PRKRIP1: variants seen among roughly 807,000 people sequenced by gnomAD.
The protein encoded by PRKRIP1 is PRKR interacting protein 1.
In PRKRIP1, 29 loss-of-function variants were observed where a neutral mutation model predicts 29.3. The ratio of observed to expected loss-of-function variants is 0.99; its 90% CI spans 0.74 to 1.35. The LOEUF (loss-of-function observed/expected upper bound fraction) is 1.35, where lower values mean the gene tolerates loss of function less well. PRKRIP1 is among the 40% of genes most tolerant of loss of function. The pLI is 0.00. For missense variants in PRKRIP1, 247 were observed against 236.8 expected (o/e 1.04, Z -0.28); for synonymous variants, 90 against 85.1 (o/e 1.06, Z -0.32).
chr7:102,423,889 T>A (rs569357631), intron 5 of PRKRIP1, among the ~76,000 whole-genome samples: 1 of 152,290 alleles, frequency 6.6e-6, no homozygotes, highest in East Asian at 1.9e-4. Flanking sequence ...CTTGAACTCC[T>A]GGGCTCAAGT....
chr7:102,425,607 A>C lies in PRKRIP1; in HGVS notation c.*496A>C. 1 of 236,982 alleles carries C rather than the reference A, an allele frequency of 4.2e-6. No individual in the cohort carries two copies. Among genetic ancestry groups the C allele is most frequent in the Admixed American group, 5.8e-5 (1 of 17,290 alleles). 14.7% of individuals were successfully genotyped at this position (236,982 alleles called of 1,614,324 possible). On this transcript the variant is annotated 3_prime_UTR_variant, in exon 6 of 6. Coordinates refer to ENST00000397912, the MANE Select transcript of PRKRIP1 (RefSeq NM_024653.4). ...TGGGGCTGGTCCATGTTGCCCACTCACTCCAGTGGGAAGTGGGGACCACGC... is the reference window on the plus strand; with the variant it reads ...TGGGGCTGGTCCATGTTGCCCACTCCCTCCAGTGGGAAGTGGGGACCACGC...
At chr7:102,417,375 A>C (rs1276170238) in intron 5 of PRKRIP1, among the ~76,000 whole-genome samples, 1 of 152,104 alleles carries the variant, frequency 6.6e-6, no homozygotes, top group Non-Finnish European at 1.5e-5. Context: ...CCTCCCTGAC[A>C]GTGGAGAATC....
chr7:102,421,446 A>G (rs1264958187), intron 5 of PRKRIP1, among the ~76,000 whole-genome samples: 2 of 151,920 alleles, frequency 1.3e-5, no homozygotes, highest in Non-Finnish European at 2.9e-5. Flanking sequence ...TCAGGAGGCT[A>G]CGGTGAGCCG....
At chr7:102,419,867 G>A (rs1012939678) in intron 5 of PRKRIP1, among the ~76,000 whole-genome samples, 1 of 148,960 alleles carries the variant, frequency 6.7e-6, no homozygotes, top group African/African-American at 2.5e-5. Flanking sequence ...GTGTGTGTGT[G>A]TGTGTGTGTG....
rs1554570349 is a variant in PRKRIP1, at chr7:102,396,467, A to G, written c.56A>G (p.Gln19Arg). 1 of 1,609,256 alleles carries G rather than the reference A, an allele frequency of 6.2e-7. No individual in the cohort carries two copies. Among genetic ancestry groups the G allele is most frequent in the South Asian group, 1.1e-5 (1 of 90,928 alleles). Reference sequence around the variant, plus strand: ...CCACCGAGGCCCAAGAAAGAGCCGCAGACGCTCGTCATCCCCAAGAATGCG... The same window carrying G: ...CCACCGAGGCCCAAGAAAGAGCCGCGGACGCTCGTCATCCCCAAGAATGCG... ...VRPPRPKKEPQTLVIPKNAAE... is the reference protein window; with the variant it reads ...VRPPRPKKEPRTLVIPKNAAE... Residue 19 changes from glutamine (Q) to arginine (R), a missense_variant, in exon 1 of 6, where the codon CAG (glutamine) becomes CGG (arginine). By Grantham distance (43) the Gln-to-Arg change is conservative (BLOSUM62 1). Coordinates refer to ENST00000397912, the MANE Select transcript of PRKRIP1 (RefSeq NM_024653.4).
intron 5 of PRKRIP1, among the ~76,000 whole-genome samples, chr7:102,421,609 T>C (rs1554573758): frequency 6.6e-6 from 1 of 151,396 alleles, no homozygotes; most frequent in South Asian, 2.1e-4. Flanking sequence ...CCATCCTAGC[T>C]AACACGGTGA....
At chr7:102,418,568 A>C (rs1796612525) in intron 5 of PRKRIP1, among the ~76,000 whole-genome samples, 1 of 152,132 alleles carries the variant, frequency 6.6e-6, no homozygotes. Flanking sequence ...GTTCATACTG[A>C]TGTCTCCAAG....
intron 5 of PRKRIP1, among the ~76,000 whole-genome samples, chr7:102,420,484 T>C (rs1448816225): frequency 6.6e-6 from 1 of 152,238 alleles, no homozygotes; most frequent in Non-Finnish European, 1.5e-5. Flanking sequence ...ATCACCAACA[T>C]GAAGCATAGT....
intron 5 of PRKRIP1, among the ~76,000 whole-genome samples, chr7:102,410,968 C>G (rs1796365380): frequency 6.6e-6 from 1 of 152,178 alleles, no homozygotes; most frequent in Non-Finnish European, 1.5e-5. Context: ...CTTTGCCACC[C>G]AGGCTGGAGT....
At chr7:102,419,317 G>C (rs1554573482) in intron 5 of PRKRIP1, among the ~76,000 whole-genome samples, 1 of 152,028 alleles carries the variant, frequency 6.6e-6, no homozygotes, top group Admixed American at 6.6e-5. Flanking sequence ...AGGAGGCTGA[G>C]GCAGGAAAAT....
chr7:102,420,986 T>TC (rs1342792449), intron 5 of PRKRIP1, among the ~76,000 whole-genome samples: 1 of 152,052 alleles, frequency 6.6e-6, no homozygotes, highest in African/African-American at 2.4e-5. Flanking sequence ...AGCAGCAGGT[T>TC]CCCCACGATG....
chr7:102,397,443 G>A (rs1480814930), intron 1 of PRKRIP1, among the ~76,000 whole-genome samples, 177 bp from the exon 2 acceptor site: 1 of 152,082 alleles, frequency 6.6e-6, no homozygotes, highest in Non-Finnish European at 1.5e-5. Flanking sequence ...CTATTCTGGA[G>A]ACTGAACCGG....
At chr7:102,420,125 A>G (rs1431851534) in intron 5 of PRKRIP1, among the ~76,000 whole-genome samples, 3 of 152,102 alleles carry the variant, frequency 2.0e-5, no homozygotes, top group African/African-American at 7.2e-5. Flanking sequence ...ACCTCAAGTG[A>G]TCTGCCCGCC....
chr7:102,406,093 C>T lies in PRKRIP1; in HGVS notation c.393-1341C>T, dbSNP rs530224710. Among the ~76,000 whole-genome samples, 22 of 152,172 alleles carry T rather than the reference C, an allele frequency of 1.4e-4. No homozygotes were observed. In the South Asian group the frequency reaches 1.7e-3, roughly 11 times the overall value. ...AAGCATTGGTTGTGTGACTCGTGGTCGGGCATTGTCCTGGGGAAGAATTGG... is the reference window on the plus strand; with the variant it reads ...AAGCATTGGTTGTGTGACTCGTGGTTGGGCATTGTCCTGGGGAAGAATTGG... On this transcript the variant is annotated intron_variant, in intron 4 of 5. Coordinates refer to ENST00000397912, the MANE Select transcript of PRKRIP1 (RefSeq NM_024653.4).
At chr7:102,403,812 G>A (rs537969031) in intron 3 of PRKRIP1, among the ~76,000 whole-genome samples, 8 of 152,090 alleles carry the variant, frequency 5.3e-5, no homozygotes, top group Non-Finnish European at 4.4e-5. Context: ...TATCTGTGTG[G>A]GTGTGGGTGT....
chr7:102,420,606 G>A (rs528709755), intron 5 of PRKRIP1, among the ~76,000 whole-genome samples: 4 of 152,060 alleles, frequency 2.6e-5, no homozygotes, highest in Non-Finnish European at 4.4e-5. Flanking sequence ...CTGTGCCCCC[G>A]GTTTCTGGGT....
At chr7:102,397,486 C>T in intron 1 of PRKRIP1, 134 bp from the exon 2 acceptor site, 1 of 670,746 alleles carries the variant, frequency 1.5e-6, no homozygotes, top group South Asian at 1.9e-5. Flanking sequence ...TTCAAGGCTG[C>T]AGTGAGCTCT....
At chr7:102,401,648 G>A (rs781844668) in intron 3 of PRKRIP1, among the ~76,000 whole-genome samples, 16 of 151,980 alleles carry the variant, frequency 1.1e-4, no homozygotes, top group Admixed American at 2.6e-4. Flanking sequence ...CAGGAGAATC[G>A]CTTGAACCCA....
chr7:102,426,009 T>C lies in PRKRIP1; in HGVS notation c.*898T>C, dbSNP rs1189915346. The C allele has an allele frequency of 2.0e-5, 3 of 153,036 alleles. No individual in the cohort carries two copies. The highest frequency in any genetic ancestry group is 7.2e-5 in the African/African-American group (3 of 41,452). 9.5% of individuals were successfully genotyped at this position (153,036 alleles called of 1,614,324 possible). A position where few individuals can be genotyped will look rare whatever the true frequency, so the allele number is the denominator to read the frequency against. ...GGGGCTTTCCGCCGGCTCACAGCAG[T>C]TGGGGCCAGCGGGGAGAAGAGAGGC... On this transcript the variant is annotated 3_prime_UTR_variant, in exon 6 of 6. Coordinates refer to ENST00000397912, the MANE Select transcript of PRKRIP1 (RefSeq NM_024653.4).
Sources: allele counts gnomAD v4.1 joint callset (sites outside exome capture counted in the v4.1 genomes callset), GRCh38; gene constraint gnomAD v4.1.1; transcripts MANE v1.5; gene names NCBI Gene and HGNC (gene_info 2026-07-23, HGNC 2026-07-21).